The following PCDHA3 variants were observed in gnomAD, a reference collection of about 807,000 sequenced individuals.
The protein encoded by PCDHA3 is protocadherin alpha-3.
PCDHA3 carries 41 observed loss-of-function variants against 62.2 expected under a neutral mutation model. The ratio of observed to expected loss-of-function variants is 0.66; its 90% confidence interval spans 0.51 to 0.86. PCDHA3 has a LOEUF of 0.86. Among genes scored for constraint, PCDHA3 ranks in the 40% least tolerant of loss-of-function variants. The pLI is 0.00. For synonymous variants in PCDHA3, 640 were observed against 555.4 expected, an observed-to-expected ratio of 1.15 and a Z score of -2.14; for missense variants, 1,304 against 1,241.2, an observed-to-expected ratio of 1.05 and a Z score of -0.76.
At chr5:140,856,100 C>T (rs782183125) in intron 1 of PCDHA3, 2 of 1,597,876 alleles carry the variant, frequency 1.3e-6, no homozygotes, top group Non-Finnish European at 1.7e-6. Context: ...GCTCTCGCTT[C>T]TTCTCCTCGC....
At position 140,867,338 on chromosome 5, in the gene PCDHA3, A is replaced by C. The variant is rs535853406; in HGVS notation, c.2394+63747A>C. The stretch of plus-strand genomic sequence containing the variant: ...TGGTCTAATGTTATGTTTTGATTAG[A>C]GGCTACTATGATTGATTATTTTACA... On this transcript the variant is annotated intron_variant, in intron 1 of 3. Transcript: ENST00000522353. 3.3e-5 allele frequency: 5 copies of C among 152,270 alleles called. No individual in the cohort carries two copies. In the East Asian group the frequency reaches 5.8e-4, roughly 18 times the overall value. The allele number at this position is 152,270 out of a possible 1,614,324, so 9.4% of individuals were successfully genotyped here.
chr5:140,917,837 T>G (rs2078388052), intron 1 of PCDHA3, among the ~76,000 whole-genome samples: 1 of 152,174 alleles, frequency 6.6e-6, no homozygotes, highest in Non-Finnish European at 1.5e-5. Context: ...GATGTCCTTC[T>G]TGTTCTTTTT....
intron 1 of PCDHA3, chr5:140,852,931 T>C: frequency 1.6e-6 from 1 of 623,668 alleles, no homozygotes; most frequent in Non-Finnish European, 2.1e-6. Context: ...CAGGCTGGAG[T>C]GCAGTGGTGC....
Position 140,855,272 on chromosome 5 carries a change from A to G in PCDHA3, c.2394+51681A>G, listed in dbSNP as rs527268244. Among the ~76,000 whole-genome samples the G allele has an allele frequency of 6.0e-5, 9 of 149,830 alleles. 1 individual carries two copies. In the South Asian group the frequency reaches 1.7e-3, roughly 28 times the overall value. ...CACTTACTATATTATAATTCACTCA[A>G]CCACCGTATTACTATTAGGCCAAAG... On this transcript the variant is annotated intron_variant, in intron 1 of 3. Transcript: ENST00000522353.
At chr5:140,958,746 G>C (rs946339571) in intron 1 of PCDHA3, among the ~76,000 whole-genome samples, 1 of 152,066 alleles carries the variant, frequency 6.6e-6, no homozygotes, top group African/African-American at 2.4e-5. Flanking sequence ...AGAGAGAAAG[G>C]AGATTTTTAC....
intron 1 of PCDHA3, among the ~76,000 whole-genome samples, chr5:140,827,343 T>C (rs985116670): frequency 1.3e-5 from 2 of 152,128 alleles, no homozygotes; most frequent in African/African-American, 4.8e-5. Flanking sequence ...GTGAAGTATA[T>C]GAAAAGAAAA....
chr5:140,961,343 T>C (rs2095605708), intron 1 of PCDHA3, among the ~76,000 whole-genome samples: 1 of 152,210 alleles, frequency 6.6e-6, no homozygotes, highest in South Asian at 2.1e-4. Flanking sequence ...CAAGAGTGGA[T>C]CCCTGTAGTC....
chr5:140,928,007 ATGG>A (rs1183344805), intron 1 of PCDHA3: 2 of 1,613,998 alleles, frequency 1.2e-6, no homozygotes, highest in Non-Finnish European at 1.7e-6. Context: ...CTCGATTCTA[ATGG>A]TAGGGTCATT....
chr5:140,868,277 C>T (rs1261614987), intron 1 of PCDHA3: 2 of 151,614 alleles, frequency 1.3e-5, no homozygotes, highest in Non-Finnish European at 2.9e-5. Flanking sequence ...TTAAAACTAC[C>T]AAGTTTGAGA....
At chr5:140,822,266 A>G in intron 1 of PCDHA3, 3 of 1,614,270 alleles carry the variant, frequency 1.9e-6, no homozygotes, top group Non-Finnish European at 2.5e-6. Context: ...ATTGGAGCAA[A>G]TGCACAATTG....
intron 2 of PCDHA3, among the ~76,000 whole-genome samples, chr5:140,981,156 T>C (rs747008016): frequency 2.9e-4 from 44 of 152,360 alleles, no homozygotes; most frequent in Admixed American, 6.5e-4. Context: ...ATTGAACTTA[T>C]ATGTTGCCTT....
chr5:140,927,967 AT>A, intron 1 of PCDHA3: 1 of 1,614,172 alleles, frequency 6.2e-7, no homozygotes, highest in Non-Finnish European at 8.5e-7. Context: ...TGGCACAGTG[AT>A]TGCTCTCTTT....
At chr5:140,956,132 C>A (rs782171826) in intron 1 of PCDHA3, among the ~76,000 whole-genome samples, 1 of 152,028 alleles carries the variant, frequency 6.6e-6, no homozygotes, top group African/African-American at 2.4e-5. Context: ...ATTTGAATAC[C>A]CTTTATTTCT....
chr5:140,809,498 G>A (rs1764483648), intron 1 of PCDHA3: 11 of 1,614,236 alleles, frequency 6.8e-6, no homozygotes, highest in Non-Finnish European at 8.5e-6. Context: ...CGACCTCATG[G>A]CCTTCAGCCC....
At chr5:140,841,271 G>A (rs1554138054) in intron 1 of PCDHA3, 2 of 1,532,504 alleles carry the variant, frequency 1.3e-6, no homozygotes, top group Admixed American at 2.1e-5. Context: ...AAGTACAGTC[G>A]TTCATCTTTA....
intron 1 of PCDHA3, among the ~76,000 whole-genome samples, chr5:140,893,926 C>G (rs1481035774): frequency 6.6e-6 from 1 of 152,180 alleles, no homozygotes; most frequent in Non-Finnish European, 1.5e-5. Context: ...TTTTCAGAAT[C>G]TCTACCTGTT....
At chr5:140,859,454 C>G (rs1400169609) in intron 1 of PCDHA3, 1 of 217,780 alleles carries the variant, frequency 4.6e-6, no homozygotes, top group South Asian at 1.1e-4. Context: ...TGCAGAGTGA[C>G]AAAACTACAC....
intron 1 of PCDHA3, among the ~76,000 whole-genome samples, chr5:140,889,879 T>G (rs2062416989): frequency 6.6e-6 from 1 of 152,162 alleles, no homozygotes; most frequent in South Asian, 2.1e-4. Flanking sequence ...CCTGCCACCA[T>G]GTAAGAATTC....
intron 1 of PCDHA3, chr5:140,830,527 A>G (rs2150187420): frequency 7.6e-7 from 1 of 1,307,954 alleles, no homozygotes; most frequent in Non-Finnish European, 1.0e-6. Context: ...TTTATTTTAA[A>G]TTTATAATTG....
Sources: allele counts gnomAD v4.1 joint callset (sites outside exome capture counted in the v4.1 genomes callset), GRCh38; gene constraint gnomAD v4.1.1; transcripts MANE v1.5; gene names NCBI Gene and HGNC (gene_info 2026-07-23, HGNC 2026-07-21).